LMBR1: variants seen among roughly 807,000 people sequenced by gnomAD.
LMBR1 encodes the protein limb region 1 protein homolog.
Under a neutral mutation model 73.9 loss-of-function variants are expected in LMBR1, and 52 were observed. The observed-to-expected ratio is 0.70, with a 90% CI of 0.56 to 0.89. LMBR1 has a LOEUF of 0.89. Among genes scored for constraint, LMBR1 ranks in the 40% least tolerant of loss-of-function variants. LMBR1 has a pLI of 0.00. For missense variants in LMBR1, 539 were observed against 579.8 expected (o/e 0.93, Z 0.72); for synonymous variants, 215 against 209.4 (o/e 1.03, Z -0.23).
chr7:156,692,268 G>A (rs541650687), intron 15 of LMBR1, among the ~76,000 whole-genome samples: 1 of 152,040 alleles, frequency 6.6e-6, no homozygotes. Context: ...GTAGAGATGG[G>A]GTTTCACCAT....
intron 4 of LMBR1, among the ~76,000 whole-genome samples, chr7:156,801,568 C>T (rs76076098): frequency 0.032 from 4,847 of 152,262 alleles, 125 homozygotes; most frequent in South Asian, 0.085. Context: ...CGTTAAGATG[C>T]TATCTTTTTT....
At chr7:156,814,174 C>T (rs1222585352) in intron 4 of LMBR1, among the ~76,000 whole-genome samples, 2 of 152,082 alleles carry the variant, frequency 1.3e-5, no homozygotes, top group Non-Finnish European at 2.9e-5. Flanking sequence ...AAATGGTAGC[C>T]CTGGGATTAA....
At chr7:156,765,619 C>CTT (rs1277242289) in intron 5 of LMBR1, among the ~76,000 whole-genome samples, 1 of 152,126 alleles carries the variant, frequency 6.6e-6, no homozygotes, top group Non-Finnish European at 1.5e-5. Flanking sequence ...CCTTTTCTCT[C>CTT]TTTCTAAAAT....
At chr7:156,790,795 AATGT>A (rs1424412901) in intron 5 of LMBR1, among the ~76,000 whole-genome samples, 1 of 150,972 alleles carries the variant, frequency 6.6e-6, no homozygotes. Flanking sequence ...AAATGAAATA[AATGT>A]ATTTACTCTT....
At chr7:156,888,036 C>T (rs536288009) in intron 1 of LMBR1, among the ~76,000 whole-genome samples, 1 of 152,284 alleles carries the variant, frequency 6.6e-6, no homozygotes, top group East Asian at 1.9e-4. Context: ...TGCGGAAGAA[C>T]CAGAAACTCT....
At chr7:156,866,387 T>A (rs1798459672) in intron 1 of LMBR1, among the ~76,000 whole-genome samples, 1 of 151,784 alleles carries the variant, frequency 6.6e-6, no homozygotes, top group Admixed American at 6.6e-5. Context: ...GAAACAAAAA[T>A]CATTAGTTAC....
intron 9 of LMBR1, among the ~76,000 whole-genome samples, chr7:156,748,567 C>A (rs561744206): frequency 6.6e-6 from 1 of 152,042 alleles, no homozygotes; most frequent in African/African-American, 2.4e-5. Context: ...CGGCTCATTG[C>A]GACCTCTGCT....
intron 4 of LMBR1, among the ~76,000 whole-genome samples, chr7:156,801,428 C>G (rs979624857): frequency 6.6e-6 from 1 of 152,158 alleles, no homozygotes; most frequent in Admixed American, 6.5e-5. Context: ...TCTGAGAAAT[C>G]AAAAAATTTG....
intron 4 of LMBR1, among the ~76,000 whole-genome samples, chr7:156,807,720 A>G (rs10226504): frequency 0.065 from 9,886 of 152,164 alleles, 363 homozygotes; most frequent in East Asian, 0.14. Context: ...AACTGATTTG[A>G]GGCCTTTTTT....
intron 1 of LMBR1, among the ~76,000 whole-genome samples, chr7:156,886,055 A>G (rs1801845848): frequency 6.6e-6 from 1 of 152,030 alleles, no homozygotes; most frequent in Admixed American, 6.6e-5. Context: ...AAGAAAAAAA[A>G]AAAAAAAAAG....
intron 9 of LMBR1, among the ~76,000 whole-genome samples, chr7:156,745,975 A>G (rs1247935712): frequency 6.6e-6 from 1 of 152,178 alleles, no homozygotes; most frequent in Non-Finnish European, 1.5e-5. Flanking sequence ...ACAAGCTACT[A>G]AACTTTGATT....
chr7:156,884,463 C>T (rs1801576149), intron 1 of LMBR1, among the ~76,000 whole-genome samples: 1 of 152,054 alleles, frequency 6.6e-6, no homozygotes, highest in South Asian at 2.1e-4. Context: ...ACAGGAATGA[C>T]TGTTGCTTCT....
chr7:156,827,813 C>T (rs577551173), intron 3 of LMBR1, among the ~76,000 whole-genome samples: 3 of 152,274 alleles, frequency 2.0e-5, no homozygotes, highest in African/African-American at 7.2e-5. Flanking sequence ...TGTATTCCTA[C>T]TTCAAAAGCC....
intron 1 of LMBR1, among the ~76,000 whole-genome samples, chr7:156,839,259 G>A (rs1280156246): frequency 6.6e-6 from 1 of 151,910 alleles, no homozygotes; most frequent in Non-Finnish European, 1.5e-5. Flanking sequence ...ATGTTGGTCA[G>A]GCTGGTCTCG....
intron 1 of LMBR1, among the ~76,000 whole-genome samples, chr7:156,865,340 C>T (rs1217546723): frequency 6.6e-6 from 1 of 151,908 alleles, no homozygotes; most frequent in East Asian, 1.9e-4. Context: ...CAAATAGCAT[C>T]AAGAAGAATA....
intron 4 of LMBR1, among the ~76,000 whole-genome samples, chr7:156,801,402 T>C (rs1448263698): frequency 1.3e-5 from 2 of 152,232 alleles, no homozygotes; most frequent in Non-Finnish European, 2.9e-5. Flanking sequence ...TAGTGTTAAG[T>C]ATAATTTTTA....
Position 156,681,097 on chromosome 7 carries a change from C to A in LMBR1, c.*2981G>T. The A allele has an allele frequency of 2.5e-6, 1 of 404,144 alleles. No individual in the cohort carries two copies. The highest frequency in any genetic ancestry group is 4.8e-6 in the Non-Finnish European group (1 of 209,944). The allele number at this position is 404,144 out of a possible 1,614,324, so 25.0% of individuals were successfully genotyped here. On this transcript the variant is annotated 3_prime_UTR_variant, in exon 17 of 17. Coordinates refer to ENST00000353442, the MANE Select transcript of LMBR1 (RefSeq NM_022458.4). ...TCTATGTTCACATTAAAAAAAAAAA[C>A]TTGTAAGAATTCTGCCTTTATGCAT...
At chr7:156,751,376 C>T (rs907044401) in intron 9 of LMBR1, among the ~76,000 whole-genome samples, 5 of 152,060 alleles carry the variant, frequency 3.3e-5, no homozygotes, top group Non-Finnish European at 7.4e-5. Context: ...AATAAAAATG[C>T]CCCAAGGGAA....
intron 5 of LMBR1, among the ~76,000 whole-genome samples, chr7:156,770,985 GA>G (rs769374503): frequency 2.3e-4 from 35 of 151,578 alleles, no homozygotes; most frequent in Non-Finnish European, 4.4e-4. Flanking sequence ...AAAAAAGTAG[GA>G]AAAAATAAAT....
Sources: gnomAD v4.1 joint callset for allele counts (sites outside exome capture counted in the v4.1 genomes callset) on GRCh38, gnomAD v4.1.1 for gene constraint, MANE v1.5 for transcripts, NCBI Gene and HGNC (gene_info 2026-07-23, HGNC 2026-07-21) for gene names.